KCNG2: variants seen among roughly 807,000 people sequenced by gnomAD.
KCNG2 encodes the protein voltage-gated potassium channel regulatory subunit KCNG2.
In KCNG2, 7 loss-of-function variants were observed where a neutral mutation model predicts 12.3. The ratio of observed to expected loss-of-function variants is 0.57; its 90% CI spans 0.32 to 1.07. The LOEUF (loss-of-function observed/expected upper bound fraction) is 1.07, where lower values mean the gene tolerates loss of function less well. Among genes scored for constraint, KCNG2 ranks in the 50% least tolerant of loss-of-function variants. KCNG2 has a pLI of 0.04. For synonymous variants in KCNG2, 414 were observed against 351.4 expected, an observed-to-expected ratio of 1.18 and a Z score of -1.99; for missense variants, 703 against 726.0, an observed-to-expected ratio of 0.97 and a Z score of 0.36.
At chr18:79,816,387 C>T (rs1191500016) in intron 1 of KCNG2, 1 of 150,134 alleles carries the variant, frequency 6.7e-6, no homozygotes, top group Non-Finnish European at 1.5e-5. Context: ...ATCTCCCCCT[C>T]CCCTCCCCTC....
At chr18:79,851,597 T>C (rs1978818435) in intron 1 of KCNG2, among the ~76,000 whole-genome samples, 1 of 147,280 alleles carries the variant, frequency 6.8e-6, no homozygotes, top group African/African-American at 2.4e-5. Flanking sequence ...GCTGTGTGTG[T>C]GCATGTGCGG....
At chr18:79,833,011 T>C (rs771993938) in intron 1 of KCNG2, among the ~76,000 whole-genome samples, 19 of 151,126 alleles carry the variant, frequency 1.3e-4, no homozygotes, top group Non-Finnish European at 2.5e-4. Flanking sequence ...CCTTTAAAAT[T>C]GGCAATGAAG....
At chr18:79,873,101 GGTGGGC>G (rs1433825102) in intron 3 of KCNG2, among the ~76,000 whole-genome samples, 5 of 152,200 alleles carry the variant, frequency 3.3e-5, no homozygotes, top group East Asian at 1.9e-4. Context: ...TGGGCAGCAG[GGTGGGC>G]CAGGGTGGTT....
In KCNG2 at chr18:79,828,776, G is replaced by A. The variant is rs1350113800; in HGVS notation, c.-114-27603G>A. Among the ~76,000 whole-genome samples, 137 of 116,306 alleles carry A rather than the reference G, an allele frequency of 1.2e-3. 1 individual carries two copies. The highest frequency in any genetic ancestry group is 3.7e-3 in the African/African-American group (116 of 31,412). The allele number at this position is 116,306 out of a possible 152,430, so 76.3% of individuals were successfully genotyped here. On this transcript the variant is annotated intron_variant, in intron 1 of 3. Transcript: ENST00000316249. The stretch of plus-strand genomic sequence containing the variant: ...GTGTCTATGTGTGCGTGTGTGTAAC[G>A]TGTCTGTGTGTGCATGTGTCTGTGT...
intron 1 of KCNG2, among the ~76,000 whole-genome samples, chr18:79,851,810 A>G (rs1978834529): frequency 6.6e-6 from 1 of 151,754 alleles, no homozygotes; most frequent in Non-Finnish European, 1.5e-5. Context: ...ATGTGTGTGA[A>G]TGTGCATGTG....
At chr18:79,866,257 GGTC>G (rs1979535907) in intron 3 of KCNG2, among the ~76,000 whole-genome samples, 1 of 148,882 alleles carries the variant, frequency 6.7e-6, no homozygotes, top group Admixed American at 6.7e-5. Context: ...TGTGCTGAGA[GGTC>G]TGTGTGCTGA....
chr18:79,867,548 C>T (rs1360849846), intron 3 of KCNG2, among the ~76,000 whole-genome samples: 3 of 90,374 alleles, frequency 3.3e-5, no homozygotes, highest in Non-Finnish European at 6.1e-5. Flanking sequence ...GTGAGCTCGT[C>T]GTGTGTCGTG....
intron 3 of KCNG2, among the ~76,000 whole-genome samples, chr18:79,895,006 C>G (rs1010112452): frequency 2.6e-5 from 4 of 151,568 alleles, no homozygotes; most frequent in African/African-American, 9.7e-5. Flanking sequence ...CCATTCACAT[C>G]TAGTGTTACG....
chr18:79,865,516 GGTGCTGAGGTCTGT>G (rs1979459917), intron 3 of KCNG2, among the ~76,000 whole-genome samples: 3 of 72,286 alleles, frequency 4.2e-5, no homozygotes, highest in East Asian at 5.7e-4. Context: ...GAGAGGTCTG[GGTGCTGAGGTCTGT>G]GTGCTGAGAG....
At chr18:79,853,634 AGCTCAGAGCAGAGGCT>A (rs540472970) in intron 1 of KCNG2, among the ~76,000 whole-genome samples, 218 of 152,296 alleles carry the variant, frequency 1.4e-3, no homozygotes, top group African/African-American at 5.0e-3. Flanking sequence ...GCGGACAGGA[AGCTCAGAGCAGAGGCT>A]GCAGCGAGTC....
rs542357509 is a variant in KCNG2, at chr18:79,797,958, C to A, written c.-171C>A. 2.0e-5 allele frequency among the ~76,000 whole-genome samples: 3 copies of A among 151,038 alleles called. No homozygotes were observed. Among genetic ancestry groups the A allele is most frequent in the Non-Finnish European group, 4.4e-5 (3 of 67,740 alleles). ...GCTCCAGAGACGCCGCGCTCCGCCC[C>A]GAGGAGGCCGCCGGCCGGGTAAGCG... On this transcript the variant is annotated 5_prime_UTR_variant, in exon 1 of 4. Transcript: ENST00000316249.
intron 3 of KCNG2, among the ~76,000 whole-genome samples, chr18:79,885,730 C>T (rs185695683): frequency 7.1e-4 from 108 of 152,066 alleles, no homozygotes; most frequent in African/African-American, 2.4e-3. Context: ...GGGGACACAC[C>T]GGGGACACGA....
chr18:79,863,440 C>A (rs1045493957), intron 2 of KCNG2, among the ~76,000 whole-genome samples, 188 bp from the exon 3 acceptor site: 1 of 152,224 alleles, frequency 6.6e-6, no homozygotes, highest in Non-Finnish European at 1.5e-5. Context: ...CCGCTGGACG[C>A]TTGAGGGTCC....
chr18:79,816,975 CTGCCACTCACA>C (rs1392637764), intron 1 of KCNG2, among the ~76,000 whole-genome samples: 3 of 152,206 alleles, frequency 2.0e-5, no homozygotes, highest in Admixed American at 2.0e-4. Context: ...TGTCACAAGG[CTGCCACTCACA>C]TGCCTGTCAC....
intron 2 of KCNG2, among the ~76,000 whole-genome samples, chr18:79,857,164 G>T (rs1052029542): frequency 4.4e-5 from 3 of 68,344 alleles, no homozygotes; most frequent in Non-Finnish European, 9.9e-5. Context: ...GGCATGGGGT[G>T]TCTGGCACAG....
chr18:79,879,379 G>A (rs1037783311), intron 3 of KCNG2, among the ~76,000 whole-genome samples: 19 of 152,310 alleles, frequency 1.2e-4, no homozygotes, highest in South Asian at 6.2e-4. Context: ...AAAGAATGGA[G>A]CCTGAAAGGA....
intron 1 of KCNG2, among the ~76,000 whole-genome samples, chr18:79,839,454 C>T (rs933615672): frequency 4.6e-5 from 7 of 152,252 alleles, no homozygotes; most frequent in African/African-American, 1.7e-4. Context: ...TCTACATGCA[C>T]ATTTGACAGC....
intron 1 of KCNG2, among the ~76,000 whole-genome samples, chr18:79,846,775 C>T (rs1360606929): frequency 2.0e-5 from 3 of 152,206 alleles, no homozygotes; most frequent in Non-Finnish European, 4.4e-5. Context: ...AAGAAGTCAT[C>T]TTGTTTAGAT....
chr18:79,881,571 A>G (rs192863227), intron 3 of KCNG2, among the ~76,000 whole-genome samples: 1 of 152,346 alleles, frequency 6.6e-6, no homozygotes, highest in Admixed American at 6.5e-5. Context: ...CTACGTGCTG[A>G]TAATTACAGC....
Sources: gnomAD v4.1 joint callset for allele counts (sites outside exome capture counted in the v4.1 genomes callset) on GRCh38, gnomAD v4.1.1 for gene constraint, MANE v1.5 for transcripts, NCBI Gene and HGNC (gene_info 2026-07-23, HGNC 2026-07-21) for gene names.